Variants in RGS7 observed in about 807,000 individuals in gnomAD.
RGS7 encodes the protein regulator of G protein signaling 7.
In RGS7, 27 loss-of-function variants were observed where a neutral mutation model predicts 81.1. That is an observed-to-expected ratio of 0.33 (90% CI 0.25 to 0.46). The LOEUF is 0.46. RGS7 is among the 20% of genes least tolerant of loss of function. The probability of loss-of-function intolerance (pLI) is 1.00; values close to 1 mark genes in which losing one functional copy is unlikely to be tolerated. For synonymous variants in RGS7, 208 were observed against 207.7 expected, an observed-to-expected ratio of 1.00 and a Z score of -0.01; for missense variants, 396 against 607.4, an observed-to-expected ratio of 0.65 and a Z score of 3.66.
intron 2 of RGS7, among the ~76,000 whole-genome samples, chr1:241,179,486 G>C (rs752242757): frequency 2.6e-5 from 4 of 152,208 alleles, no homozygotes; most frequent in Non-Finnish European, 5.9e-5. Flanking sequence ...AAAACAGGCA[G>C]CTGGCGACTA....
intron 3 of RGS7, among the ~76,000 whole-genome samples, chr1:240,989,534 C>T (rs1256481910): frequency 6.6e-6 from 1 of 151,960 alleles, no homozygotes; most frequent in East Asian, 1.9e-4. Flanking sequence ...CCATGACTAC[C>T]AATGCCAAAA....
intron 2 of RGS7, among the ~76,000 whole-genome samples, chr1:241,223,079 A>G (rs1158315443): frequency 6.6e-6 from 1 of 152,170 alleles, no homozygotes; most frequent in Non-Finnish European, 1.5e-5. Context: ...GGACATTTAA[A>G]TAACATATAG....
chr1:240,888,684 G>A (rs1177665398), intron 6 of RGS7, among the ~76,000 whole-genome samples: 3 of 152,102 alleles, frequency 2.0e-5, no homozygotes, highest in African/African-American at 7.2e-5. Context: ...GCACAGCCGC[G>A]CGTTGAGAAG....
intron 2 of RGS7, among the ~76,000 whole-genome samples, chr1:241,156,080 G>A (rs962055260): frequency 4.8e-5 from 7 of 145,746 alleles, no homozygotes; most frequent in African/African-American, 1.5e-4. Context: ...ACACACGCAC[G>A]CACACACACA....
At chr1:241,098,210 C>T (rs1028736439) in intron 3 of RGS7, among the ~76,000 whole-genome samples, 5 of 152,172 alleles carry the variant, frequency 3.3e-5, no homozygotes, top group African/African-American at 7.2e-5. Context: ...TGGTCACTGT[C>T]GAGTTCGGTG....
chr1:240,802,399 G>C (rs990795730), intron 16 of RGS7, among the ~76,000 whole-genome samples: 1 of 152,012 alleles, frequency 6.6e-6, no homozygotes, highest in African/African-American at 2.4e-5. Context: ...TTCATCACAG[G>C]GATATTAAGT....
intron 3 of RGS7, among the ~76,000 whole-genome samples, chr1:241,069,331 AT>A (rs1351242365): frequency 2.0e-5 from 3 of 152,194 alleles, no homozygotes; most frequent in African/African-American, 7.2e-5. Flanking sequence ...ATGCTGACAC[AT>A]CCCGAATTTA....
intron 2 of RGS7, among the ~76,000 whole-genome samples, chr1:241,200,301 A>C (rs186519661): frequency 6.6e-6 from 1 of 152,070 alleles, no homozygotes; most frequent in African/African-American, 2.4e-5. Flanking sequence ...TGATTTTTTT[A>C]AAAAAAGCTT....
At chr1:241,188,245 A>T (rs2072298699) in intron 2 of RGS7, among the ~76,000 whole-genome samples, 2 of 151,874 alleles carry the variant, frequency 1.3e-5, no homozygotes, top group African/African-American at 4.8e-5. Flanking sequence ...AAAAAGTTAG[A>T]GTTTTATATA....
At chr1:240,808,785 G>C (rs954959382) in intron 14 of RGS7, among the ~76,000 whole-genome samples, 28 of 151,956 alleles carry the variant, frequency 1.8e-4, no homozygotes, top group African/African-American at 6.8e-4. Flanking sequence ...TGAGGTGGGA[G>C]GATCAGTTGA....
intron 6 of RGS7, among the ~76,000 whole-genome samples, chr1:240,917,064 T>C (rs1451925711): frequency 1.3e-5 from 2 of 152,184 alleles, no homozygotes; most frequent in Non-Finnish European, 2.9e-5. Flanking sequence ...GCTTTGAATT[T>C]CTCATCAGAA....
chr1:240,830,467 A>G (rs1489729040), intron 9 of RGS7, among the ~76,000 whole-genome samples: 1 of 152,244 alleles, frequency 6.6e-6, no homozygotes, highest in African/African-American at 2.4e-5. Context: ...CCACTGCACA[A>G]GACTGTAAAA....
chr1:241,000,018 T>C (rs1687898867), intron 3 of RGS7, among the ~76,000 whole-genome samples: 1 of 152,204 alleles, frequency 6.6e-6, no homozygotes, highest in African/African-American at 2.4e-5. Context: ...TGCTGTTTCA[T>C]GACCACCTGC....
intron 10 of RGS7, among the ~76,000 whole-genome samples, chr1:240,816,616 G>A (rs1690847314): frequency 2.6e-5 from 4 of 152,178 alleles, no homozygotes; most frequent in Admixed American, 1.3e-4. Context: ...AAAATGTGTA[G>A]TTAGATTATT....
intron 6 of RGS7, among the ~76,000 whole-genome samples, chr1:240,896,067 T>A (rs261815): frequency 0.019 from 2,897 of 152,336 alleles, 88 homozygotes; most frequent in African/African-American, 0.066. Flanking sequence ...ATGTGTCTTT[T>A]GGCTGCATAA....
At chr1:240,894,004 C>T (rs753585562) in intron 6 of RGS7, among the ~76,000 whole-genome samples, 4 of 152,028 alleles carry the variant, frequency 2.6e-5, no homozygotes, top group Non-Finnish European at 5.9e-5. Flanking sequence ...TAGTAGATCT[C>T]TTAGTGATGG....
intron 2 of RGS7, among the ~76,000 whole-genome samples, chr1:241,152,492 T>A (rs1041688050): frequency 2.0e-5 from 3 of 152,324 alleles, no homozygotes; most frequent in South Asian, 2.1e-4. Flanking sequence ...CATCACTGAA[T>A]GCAACTCATT....
chr1:240,901,463 G>T (rs1670000770), intron 6 of RGS7, among the ~76,000 whole-genome samples: 1 of 152,152 alleles, frequency 6.6e-6, no homozygotes, highest in Admixed American at 6.5e-5. Flanking sequence ...CCAGTCTCAG[G>T]TATTTACAGC....
rs1553265451 is a variant in RGS7 at position 241,132,741 on chromosome 1, A to ATTTATTTGTTTG, written c.79-33980_79-33979insCAAACAAATAAA. Reference sequence around the variant, plus strand: ...AGGTCTGTCAATAATTCAACTTATTATTTGTTTGTTTGTTTGTTTGTTTGT... The same window carrying ATTTATTTGTTTG: ...AGGTCTGTCAATAATTCAACTTATTATTTATTTGTTTGTTTGTTTGTTTGTTTGTTTGTTTGT... On this transcript the variant is annotated intron_variant, in intron 2 of 18. Transcript: ENST00000440928. 3.2e-3 allele frequency among the ~76,000 whole-genome samples: 486 copies of ATTTATTTGTTTG among 151,102 alleles called. 3 individuals carry two copies. The highest frequency in any genetic ancestry group is 9.9e-3 in the African/African-American group (407 of 40,924).
Sources: gnomAD v4.1 joint callset for allele counts (sites outside exome capture counted in the v4.1 genomes callset) on GRCh38, gnomAD v4.1.1 for gene constraint, MANE v1.5 for transcripts, NCBI Gene and HGNC (gene_info 2026-07-23, HGNC 2026-07-21) for gene names.